CCDC60: variants seen among roughly 807,000 people sequenced by gnomAD.
CCDC60 encodes the protein coiled-coil domain-containing protein 60.
In CCDC60, 54 loss-of-function variants were observed where a neutral mutation model predicts 63.5. The ratio of observed to expected loss-of-function variants is 0.85; its 90% CI spans 0.68 to 1.07. CCDC60 has a LOEUF of 1.07. CCDC60 is among the 50% of genes least tolerant of loss of function. CCDC60 has a pLI of 0.00. For synonymous variants in CCDC60, 206 were observed against 238.8 expected, an observed-to-expected ratio of 0.86 and a Z score of 1.27; for missense variants, 651 against 684.3, an observed-to-expected ratio of 0.95 and a Z score of 0.54.
At chr12:119,391,188 A>G (rs1023542122) in intron 1 of CCDC60, among the ~76,000 whole-genome samples, 1 of 152,180 alleles carries the variant, frequency 6.6e-6, no homozygotes, top group African/African-American at 2.4e-5. Context: ...AGCTCCTCTA[A>G]GCCACAGTAG....
At chr12:119,385,711 C>T (rs1956052908) in intron 1 of CCDC60, among the ~76,000 whole-genome samples, 1 of 152,220 alleles carries the variant, frequency 6.6e-6, no homozygotes, top group Non-Finnish European at 1.5e-5. Flanking sequence ...TGTTCCCAGT[C>T]TCATTTTTGC....
intron 2 of CCDC60, among the ~76,000 whole-genome samples, chr12:119,434,720 G>T (rs1950295442): frequency 6.6e-6 from 1 of 152,132 alleles, no homozygotes; most frequent in Middle Eastern, 3.2e-3. Context: ...AAATGAATGG[G>T]TACCAAAGTC....
At chr12:119,532,043 C>A (rs1952857283) in intron 13 of CCDC60, among the ~76,000 whole-genome samples, 1 of 152,126 alleles carries the variant, frequency 6.6e-6, no homozygotes. Context: ...ACCAGGAGGG[C>A]CCTTCCACAG....
At chr12:119,411,161 G>A (rs1466365571) in intron 1 of CCDC60, among the ~76,000 whole-genome samples, 1 of 152,096 alleles carries the variant, frequency 6.6e-6, no homozygotes, top group Non-Finnish European at 1.5e-5. Context: ...AGAGAAACGT[G>A]ATTGGACAAA....
chr12:119,341,684 A>C (rs1214802415), intron 1 of CCDC60, among the ~76,000 whole-genome samples: 1 of 152,196 alleles, frequency 6.6e-6, no homozygotes, highest in Admixed American at 6.5e-5. Flanking sequence ...TGTTTTGAAG[A>C]TATGGCCAAC....
At chr12:119,502,109 G>C (rs533503537) in intron 6 of CCDC60, among the ~76,000 whole-genome samples, 32 of 152,316 alleles carry the variant, frequency 2.1e-4, no homozygotes, top group African/African-American at 7.5e-4. Flanking sequence ...AGATCAGGCT[G>C]AGTGTGATAC....
chr12:119,448,424 T>G (rs1200519494), intron 2 of CCDC60, among the ~76,000 whole-genome samples: 1 of 152,200 alleles, frequency 6.6e-6, no homozygotes, highest in South Asian at 2.1e-4. Flanking sequence ...TTTCTCCATC[T>G]TTGAAATGAT....
intron 1 of CCDC60, among the ~76,000 whole-genome samples, chr12:119,398,317 G>C (rs533378381): frequency 6.6e-6 from 1 of 152,068 alleles, no homozygotes; most frequent in Non-Finnish European, 1.5e-5. Context: ...CACCGGCACC[G>C]GCCAGCCGCT....
chr12:119,520,129 C>T lies in CCDC60; in HGVS notation c.977C>T (p.Ser326Leu). Reference protein sequence around the residue: ...GMQRKAPSILSVLKQNKSNSA... With the variant: ...GMQRKAPSILLVLKQNKSNSA... ...CTCATTTTGCCTTGCAGCATCTTGT[C>T]AGTGCTGAAACAAAACAAGAGTAAT... Residue 326 changes from serine (S) to leucine (L), a missense_variant, in exon 9 of 14, where the codon TCA becomes TTA. Ser to Leu is a moderately radical substitution (Grantham distance 145). Coordinates refer to ENST00000327554, the MANE Select transcript of CCDC60 (RefSeq NM_178499.5). The T allele has an allele frequency of 6.2e-7, 1 of 1,613,704 alleles. No individual in the cohort carries two copies.
intron 9 of CCDC60, 121 bp downstream of exon 9, chr12:119,520,313 C>A: frequency 2.6e-6 from 2 of 782,780 alleles, no homozygotes; most frequent in South Asian, 1.7e-5. Flanking sequence ...GAACTTTTTC[C>A]TTCTTATGAC....
At chr12:119,422,650 C>A (rs1206211767) in intron 1 of CCDC60, among the ~76,000 whole-genome samples, 2 of 152,154 alleles carry the variant, frequency 1.3e-5, no homozygotes, top group African/African-American at 4.8e-5. Flanking sequence ...TGAGAAACCA[C>A]CCCCATGATC....
intron 2 of CCDC60, chr12:119,433,698 T>A (rs552039050): frequency 3.0e-6 from 2 of 658,608 alleles, no homozygotes; most frequent in East Asian, 5.4e-5. Context: ...GGAGACTAGC[T>A]CACCTTGAGC....
intron 9 of CCDC60, among the ~76,000 whole-genome samples, chr12:119,521,110 T>A (rs1245305891): frequency 6.6e-6 from 1 of 152,208 alleles, no homozygotes; most frequent in Non-Finnish European, 1.5e-5. Flanking sequence ...TACAATCAAA[T>A]TTGGAATATG....
In CCDC60 at chr12:119,421,866, G is replaced by A. The variant is rs77479688; in HGVS notation, c.91-6817G>A. On this transcript the variant is annotated intron_variant, in intron 1 of 13. Coordinates refer to ENST00000327554, the MANE Select transcript of CCDC60 (RefSeq NM_178499.5). ...GTCAGGTTAAACCACACCACTTCCC[G>A]ATGCTACTATTTAAACAGCCCCAGC... Among the ~76,000 whole-genome samples, 958 of 152,200 alleles carry A rather than the reference G, an allele frequency of 6.3e-3. 12 individuals carry two copies. The highest frequency in any genetic ancestry group is 0.022 in the African/African-American group (896 of 41,506).
chr12:119,447,383 G>A (rs1480422675), intron 2 of CCDC60, among the ~76,000 whole-genome samples: 3 of 152,108 alleles, frequency 2.0e-5, no homozygotes, highest in Non-Finnish European at 4.4e-5. Flanking sequence ...GGTCTCCAGC[G>A]AGCAGTCCCT....
At chr12:119,386,926 T>C (rs1419265325) in intron 1 of CCDC60, among the ~76,000 whole-genome samples, 3 of 152,070 alleles carry the variant, frequency 2.0e-5, no homozygotes, top group African/African-American at 7.2e-5. Context: ...TGGATATTTC[T>C]ATGGAGAATT....
At chr12:119,342,048 C>T (rs181216900) in intron 1 of CCDC60, among the ~76,000 whole-genome samples, 4 of 152,204 alleles carry the variant, frequency 2.6e-5, no homozygotes, top group Admixed American at 6.5e-5. Context: ...TGAAAAGCAG[C>T]GAAGTAAACA....
intron 2 of CCDC60, among the ~76,000 whole-genome samples, chr12:119,471,304 G>A (rs904878667): frequency 1.3e-5 from 2 of 152,240 alleles, no homozygotes; most frequent in Non-Finnish European, 2.9e-5. Flanking sequence ...TTGAACTTCT[G>A]TAGCAGTCAT....
rs770253612 is a variant in CCDC60, at chr12:119,523,803, T to G, written c.1214T>G (p.Met405Arg). 1.9e-6 allele frequency: 3 copies of G among 1,614,158 alleles called. No homozygotes were observed. Reference sequence around the variant, plus strand: ...GCTGGCTTCTGCCTGCAGGACAAGATGGAAATCCTCATGAAGTAAGCGCAC... The same window carrying G: ...GCTGGCTTCTGCCTGCAGGACAAGAGGGAAATCCTCATGAAGTAAGCGCAC... ...QEAGFCLQDK[M>R]EILMKRQEER... The change falls in exon 11 of 14, where the codon ATG becomes AGG. Residue 405 changes from methionine (M) to arginine (R), a missense_variant. Met to Arg is a moderately conservative substitution (Grantham distance 91). Transcript: ENST00000327554.
Sources: gnomAD v4.1 joint callset for allele counts (sites outside exome capture counted in the v4.1 genomes callset) on GRCh38, gnomAD v4.1.1 for gene constraint, MANE v1.5 for transcripts, NCBI Gene and HGNC (gene_info 2026-07-23, HGNC 2026-07-21) for gene names.